The following ZC2HC1B variants were observed in gnomAD, a reference collection of about 807,000 sequenced individuals.
ZC2HC1B encodes the protein zinc finger C2HC-type containing 1B, also known as zinc finger C2HC domain-containing protein 1B.
Under a neutral mutation model 31.0 loss-of-function variants are expected in ZC2HC1B, and 36 were observed. The ratio of observed to expected loss-of-function variants is 1.16; its 90% CI spans 0.89 to 1.54. The LOEUF (loss-of-function observed/expected upper bound fraction) is 1.54. Among genes scored for constraint, ZC2HC1B ranks in the 40% most tolerant of loss-of-function variants. ZC2HC1B has a pLI of 0.00. For missense variants in ZC2HC1B, 260 were observed against 268.6 expected, an observed-to-expected ratio of 0.97 and a Z score of 0.22; for synonymous variants, 73 against 88.0, an observed-to-expected ratio of 0.83 and a Z score of 0.95.
rs1777657668 is a variant in ZC2HC1B at position 143,895,717 on chromosome 6, G to C, written c.350-2835G>C. Among the ~76,000 whole-genome samples, 1 of 152,038 alleles carries C rather than the reference G, an allele frequency of 6.6e-6. No individual in the cohort carries two copies. Among genetic ancestry groups the C allele is most frequent in the Non-Finnish European group, 1.5e-5 (1 of 68,014 alleles). Reference sequence around the variant, plus strand: ...TAATTGTTATTTTTCTATGAGGCCTGGGACATTCAGTTACCATTTTGCATA... The same window carrying C: ...TAATTGTTATTTTTCTATGAGGCCTCGGACATTCAGTTACCATTTTGCATA... On this transcript the variant is annotated intron_variant, in intron 4 of 7. Transcript: ENST00000237275. The surrounding 1 kb of genome is among the most constrained non-coding windows in gnomAD (Gnocchi z 4.8).
rs992741059 is a variant in ZC2HC1B, at chr6:143,917,354, C to T, written c.598+14202C>T. 2.8e-4 allele frequency among the ~76,000 whole-genome samples: 43 copies of T among 152,274 alleles called. No homozygotes were observed. The highest frequency in any genetic ancestry group is 8.2e-4 in the African/African-American group (34 of 41,548). On this transcript the variant is annotated intron_variant, in intron 6 of 7. Transcript: ENST00000237275. This position sits in a 1 kb window ranked among gnomAD's most constrained non-coding sequence, Gnocchi z 4.1. ...CAGCATGAAAACAGACTAATACTAC[C>T]GTCTTCTTTTGTTTTTAGTTGATTT...
chr6:143,897,334 A>G (rs1777679857), intron 4 of ZC2HC1B, among the ~76,000 whole-genome samples: 1 of 150,274 alleles, frequency 6.7e-6, no homozygotes, highest in Non-Finnish European at 1.5e-5. Context: ...AAGGTGCCTG[A>G]AACAAAACAA....
rs1777305984 is a variant in ZC2HC1B, at chr6:143,869,097, T to C, written c.28+4530T>C. 6.6e-6 allele frequency among the ~76,000 whole-genome samples: 1 copy of C among 152,214 alleles called. No individual in the cohort carries two copies. ...CTTCAGCAAGCACCTCAGCAGGTCATGGTTTTTTCCTGGTGGAGTGACCCA... is the reference window on the plus strand; with the variant it reads ...CTTCAGCAAGCACCTCAGCAGGTCACGGTTTTTTCCTGGTGGAGTGACCCA... On this transcript the variant is annotated intron_variant, in intron 1 of 7. Transcript: ENST00000237275. This position sits in a 1 kb window ranked among gnomAD's most constrained non-coding sequence, Gnocchi z 5.2.
intron 6 of ZC2HC1B, among the ~76,000 whole-genome samples, chr6:143,930,533 G>T (rs997367939): frequency 6.6e-6 from 1 of 151,660 alleles, no homozygotes; most frequent in African/African-American, 2.4e-5. Flanking sequence ...GACTACAGGC[G>T]CCCGCCACCA....
chr6:143,923,641 G>C lies in ZC2HC1B; in HGVS notation c.599-14008G>C, dbSNP rs1778005145. Among the ~76,000 whole-genome samples the C allele has an allele frequency of 6.6e-6, 1 of 152,014 alleles. No individual in the cohort carries two copies. Among genetic ancestry groups the C allele is most frequent in the South Asian group, 2.1e-4 (1 of 4,826 alleles). On this transcript the variant is annotated intron_variant, in intron 6 of 7. Coordinates refer to ENST00000237275, the MANE Select transcript of ZC2HC1B (RefSeq NM_001013623.3). This position sits in a 1 kb window ranked among gnomAD's most constrained non-coding sequence, Gnocchi z 4.8. ...TGATTTTTGTATATTGTGAGACATA[G>C]GGATCTAGTTTCATTTTTCTGTACT...
At position 143,911,940 on chromosome 6, in the gene ZC2HC1B, G is replaced by T. The variant is rs1000947757; in HGVS notation, c.598+8788G>T. Among the ~76,000 whole-genome samples, 2 of 151,940 alleles carry T rather than the reference G, an allele frequency of 1.3e-5. No individual in the cohort carries two copies. Among genetic ancestry groups the T allele is most frequent in the African/African-American group, 4.8e-5 (2 of 41,368 alleles). On this transcript the variant is annotated intron_variant, in intron 6 of 7. Transcript: ENST00000237275. This position sits in a 1 kb window ranked among gnomAD's most constrained non-coding sequence, Gnocchi z 4.5. ...ATTTGGTCTCTTTACATAATCCCAT[G>T]TTTCTCAGAGGTTTTGTTCTTTTTT...
chr6:143,901,119 A>G (rs373540573), intron 5 of ZC2HC1B, among the ~76,000 whole-genome samples: 3 of 152,004 alleles, frequency 2.0e-5, no homozygotes, highest in Admixed American at 2.0e-4. Flanking sequence ...GATGACAGGC[A>G]TGAGCCACCA....
rs536377812 is a variant in ZC2HC1B at position 143,868,501 on chromosome 6, G to A, written c.28+3934G>A. Among the ~76,000 whole-genome samples, 6 of 151,818 alleles carry A rather than the reference G, an allele frequency of 4.0e-5. No homozygotes were observed. The highest frequency in any genetic ancestry group is 7.3e-5 in the African/African-American group (3 of 41,272). On this transcript the variant is annotated intron_variant, in intron 1 of 7. Coordinates refer to ENST00000237275, the MANE Select transcript of ZC2HC1B (RefSeq NM_001013623.3). This position sits in a 1 kb window ranked among gnomAD's most constrained non-coding sequence, Gnocchi z 4.2. The stretch of plus-strand genomic sequence containing the variant: ...TCTGCCTGCTTTAGATTCGATCTGC[G>A]CTGGCAGGTGACTAGGTGGTGCCCA...
intron 6 of ZC2HC1B, among the ~76,000 whole-genome samples, chr6:143,931,582 A>T (rs1236858588): frequency 1.3e-5 from 2 of 152,120 alleles, no homozygotes; most frequent in African/African-American, 2.4e-5. Context: ...TCCTTCATTT[A>T]TGATGCTTAG....
rs1777348847 is a variant in ZC2HC1B at position 143,872,139 on chromosome 6, G to A, written c.28+7572G>A. Among the ~76,000 whole-genome samples the A allele has an allele frequency of 6.6e-6, 1 of 152,166 alleles. No homozygotes were observed. Among genetic ancestry groups the A allele is most frequent in the African/African-American group, 2.4e-5 (1 of 41,456 alleles). ...GGGAAGGATGGGAGAAAGATTAACA[G>A]CATAAATTGTCAGTAGTGTAATGGA... On this transcript the variant is annotated intron_variant, in intron 1 of 7. Coordinates refer to ENST00000237275, the MANE Select transcript of ZC2HC1B (RefSeq NM_001013623.3). The surrounding 1 kb of genome is among the most constrained non-coding windows in gnomAD (Gnocchi z 5.5).
chr6:143,891,319 G>A (rs941729324), intron 4 of ZC2HC1B, among the ~76,000 whole-genome samples: 1 of 152,072 alleles, frequency 6.6e-6, no homozygotes, highest in East Asian at 1.9e-4. Flanking sequence ...ACTCAAGATT[G>A]TGTTATGATG....
chr6:143,877,278 T>C (rs1225751333), intron 1 of ZC2HC1B, among the ~76,000 whole-genome samples: 2 of 114,744 alleles, frequency 1.7e-5, no homozygotes, highest in African/African-American at 6.2e-5. Flanking sequence ...ATTTCTTTTT[T>C]TTTTTTTTTT....
chr6:143,925,419 C>T (rs1015526502), intron 6 of ZC2HC1B, among the ~76,000 whole-genome samples: 2 of 151,846 alleles, frequency 1.3e-5, no homozygotes, highest in Non-Finnish European at 2.9e-5. Flanking sequence ...TCGTGATCCG[C>T]CTGCCTACGG....
intron 6 of ZC2HC1B, among the ~76,000 whole-genome samples, chr6:143,919,784 T>G (rs1291296884): frequency 6.6e-6 from 1 of 152,184 alleles, no homozygotes; most frequent in Non-Finnish European, 1.5e-5. Flanking sequence ...TGTATCTTAC[T>G]GTTCAAGCCT....
intron 1 of ZC2HC1B, among the ~76,000 whole-genome samples, chr6:143,880,699 G>T (rs1374232539): frequency 6.6e-6 from 1 of 151,838 alleles, no homozygotes; most frequent in African/African-American, 2.4e-5. Context: ...AGCAATAAAT[G>T]CTATGTATAC....
rs775543798 is a variant in ZC2HC1B, at chr6:143,871,512, C to T, written c.28+6945C>T. ...TGTTAATTGGCTCAAACAATGAAAC[C>T]ACATCTGGTACAGCAGCTGCAGTTG... On this transcript the variant is annotated intron_variant, in intron 1 of 7. Transcript: ENST00000237275. The surrounding 1 kb of genome is among the most constrained non-coding windows in gnomAD (Gnocchi z 4.1). Among the ~76,000 whole-genome samples, 2 of 152,194 alleles carry T rather than the reference C, an allele frequency of 1.3e-5. No individual in the cohort carries two copies. Among genetic ancestry groups the T allele is most frequent in the Non-Finnish European group, 2.9e-5 (2 of 68,032 alleles).
chr6:143,867,857 T>G (rs1777284958), intron 1 of ZC2HC1B, among the ~76,000 whole-genome samples: 1 of 152,232 alleles, frequency 6.6e-6, no homozygotes, highest in Admixed American at 6.5e-5. Context: ...GAATTCCCTT[T>G]TCTCTATCCA....
At chr6:143,931,882 T>A (rs1349930805) in intron 6 of ZC2HC1B, among the ~76,000 whole-genome samples, 8 of 141,518 alleles carry the variant, frequency 5.7e-5, no homozygotes, top group Non-Finnish European at 4.5e-5. Flanking sequence ...TTTTTTTTTT[T>A]AACGGAGTTT....
rs1778087482 is a variant in ZC2HC1B at position 143,929,123 on chromosome 6, T to A, written c.599-8526T>A. Among the ~76,000 whole-genome samples, 2 of 152,214 alleles carry A rather than the reference T, an allele frequency of 1.3e-5. 1 individual carries two copies. The highest frequency in any genetic ancestry group is 4.1e-4 in the South Asian group (2 of 4,834). ...TTGCTCTGGCTAGGACCTCCTGTACTGTGCTGAATAGCAGTGGTGAACATG... is the reference window on the plus strand; with the variant it reads ...TTGCTCTGGCTAGGACCTCCTGTACAGTGCTGAATAGCAGTGGTGAACATG... On this transcript the variant is annotated intron_variant, in intron 6 of 7. Coordinates refer to ENST00000237275, the MANE Select transcript of ZC2HC1B (RefSeq NM_001013623.3).
Sources: allele counts gnomAD v4.1 joint callset (sites outside exome capture counted in the v4.1 genomes callset), GRCh38; gene constraint gnomAD v4.1.1; non-coding constraint Gnocchi (gnomAD v3.1); transcripts MANE v1.5; gene names NCBI Gene and HGNC (gene_info 2026-07-23, HGNC 2026-07-21).